Variants in GSK3B observed in about 807,000 individuals in gnomAD.
GSK3B encodes glycogen synthase kinase-3 beta.
GSK3B carries 15 observed loss-of-function variants against 56.4 expected under a neutral mutation model. The ratio of observed to expected loss-of-function variants is 0.27; its 90% confidence interval spans 0.18 to 0.41. GSK3B has a LOEUF of 0.41. Ranked by LOEUF, GSK3B falls within the 10% of genes least tolerant of loss-of-function variation. GSK3B has a pLI of 1.00. For synonymous variants in GSK3B, 181 were observed against 188.9 expected (o/e 0.96, Z 0.34); for missense variants, 300 against 513.4 (o/e 0.58, Z 4.02).
At chr3:119,954,233 A>AGAATG in intron 2 of GSK3B, among the ~76,000 whole-genome samples, 1 of 30,096 alleles carries the variant, frequency 3.3e-5, no homozygotes, top group Admixed American at 4.3e-4. Context: ...AGAATAGAAT[A>AGAATG]GAATAGAATA....
chr3:120,028,922 A>T, intron 1 of GSK3B: 1 of 543,362 alleles, frequency 1.8e-6, no homozygotes, highest in South Asian at 2.0e-5. Flanking sequence ...GCTGAACCTC[A>T]AAGATCAGAC....
chr3:119,851,453 A>T (rs896436395), intron 9 of GSK3B, among the ~76,000 whole-genome samples: 8 of 152,170 alleles, frequency 5.3e-5, no homozygotes, highest in African/African-American at 1.9e-4. Flanking sequence ...GAACTTTCCT[A>T]GTTTTCTGAG....
intron 1 of GSK3B, among the ~76,000 whole-genome samples, chr3:120,012,575 G>C (rs2057787968): frequency 6.6e-6 from 1 of 152,142 alleles, no homozygotes; most frequent in Admixed American, 6.5e-5. Flanking sequence ...TACCATAATA[G>C]ATAAATCTTA....
chr3:119,932,838 G>A (rs573502497), intron 3 of GSK3B, among the ~76,000 whole-genome samples: 6 of 152,122 alleles, frequency 3.9e-5, no homozygotes, highest in East Asian at 1.9e-4. Flanking sequence ...GGCTGGGTAC[G>A]GTGGCTCACG....
intron 1 of GSK3B, among the ~76,000 whole-genome samples, chr3:120,010,029 G>A (rs560123645): frequency 1.3e-5 from 2 of 152,144 alleles, no homozygotes; most frequent in South Asian, 4.2e-4. Flanking sequence ...AAAACCACTT[G>A]TGAAAAGAAA....
At chr3:120,006,758 T>C (rs578042924) in intron 1 of GSK3B, among the ~76,000 whole-genome samples, 1 of 152,252 alleles carries the variant, frequency 6.6e-6, no homozygotes, top group Non-Finnish European at 1.5e-5. Context: ...GGAACACATT[T>C]AAAGCAGTGT....
chr3:120,053,294 G>A (rs573213748), intron 1 of GSK3B, among the ~76,000 whole-genome samples: 11 of 152,240 alleles, frequency 7.2e-5, no homozygotes, highest in African/African-American at 2.2e-4. Flanking sequence ...CCCAGATCGC[G>A]CCACTACACT....
At chr3:119,940,523 C>T (rs2057038072) in intron 3 of GSK3B, among the ~76,000 whole-genome samples, 1 of 151,990 alleles carries the variant, frequency 6.6e-6, no homozygotes, top group African/African-American at 2.4e-5. Context: ...AAAAGAAAAA[C>T]ATATACTGAA....
intron 8 of GSK3B, among the ~76,000 whole-genome samples, chr3:119,864,903 T>A (rs557017373): frequency 6.6e-6 from 1 of 152,342 alleles, no homozygotes; most frequent in East Asian, 1.9e-4. Context: ...TTTCGGAACA[T>A]AAAGAAAGGC....
At chr3:119,996,488 T>C (rs1307684192) in intron 2 of GSK3B, among the ~76,000 whole-genome samples, 1 of 152,202 alleles carries the variant, frequency 6.6e-6, no homozygotes, top group Non-Finnish European at 1.5e-5. Flanking sequence ...GCCAGGTTAC[T>C]TGTTCCTCTC....
intron 6 of GSK3B, among the ~76,000 whole-genome samples, chr3:119,910,794 TA>T (rs1289529792): frequency 6.6e-6 from 1 of 152,252 alleles, no homozygotes; most frequent in Admixed American, 6.5e-5. Context: ...TGTAATATTC[TA>T]AATCCTTTGT....
intron 3 of GSK3B, among the ~76,000 whole-genome samples, chr3:119,934,708 G>C (rs928828705): frequency 6.6e-6 from 1 of 152,076 alleles, no homozygotes; most frequent in East Asian, 1.9e-4. Flanking sequence ...AAACTTTGCA[G>C]GGTCTGTCCA....
At chr3:119,973,801 A>G (rs572507949) in intron 2 of GSK3B, among the ~76,000 whole-genome samples, 1 of 152,372 alleles carries the variant, frequency 6.6e-6, no homozygotes, top group African/African-American at 2.4e-5. Flanking sequence ...AATGGTACAT[A>G]TAGGATTCGG....
At chr3:119,843,736 C>T (rs2055813248) in intron 9 of GSK3B, 2 of 156,312 alleles carry the variant, frequency 1.3e-5, no homozygotes, top group Non-Finnish European at 1.4e-5. Flanking sequence ...GAGACTTTAA[C>T]ACCACATTGT....
chr3:119,987,042 T>C (rs1433290213), intron 2 of GSK3B, among the ~76,000 whole-genome samples: 1 of 152,104 alleles, frequency 6.6e-6, no homozygotes, highest in African/African-American at 2.4e-5. Flanking sequence ...CAGATGAAGC[T>C]AGAAACCATC....
At position 119,991,002 on chromosome 3, in the gene GSK3B, T is replaced by TCA. The variant is rs538827036; in HGVS notation, c.282+11042_282+11043dup. ...TTCACAACCTAACAATAGTGATACC[T>TCA]CACATCCCTATCCCTCTATATCCCA... On this transcript the variant is annotated intron_variant, in intron 2 of 10. Coordinates refer to ENST00000264235, the MANE Select transcript of GSK3B (RefSeq NM_001146156.2). 3.3e-5 allele frequency among the ~76,000 whole-genome samples: 5 copies of TCA among 152,272 alleles called. No homozygotes were observed. The South Asian group carries it at 1.0e-3, about 32-fold the overall frequency.
chr3:120,029,775 C>A, intron 1 of GSK3B: 2 of 555,144 alleles, frequency 3.6e-6, no homozygotes, highest in South Asian at 2.8e-5. Flanking sequence ...TACTTATGGT[C>A]ATTAACTGTT....
intron 1 of GSK3B, among the ~76,000 whole-genome samples, chr3:120,073,245 C>A (rs919250861): frequency 1.4e-5 from 2 of 146,420 alleles, no homozygotes; most frequent in Non-Finnish European, 3.0e-5. Flanking sequence ...AAAAAAAAGC[C>A]TGGCATGGTG....
At chr3:119,944,732 T>TG (rs982510941) in intron 3 of GSK3B, among the ~76,000 whole-genome samples, 21 of 152,264 alleles carry the variant, frequency 1.4e-4, no homozygotes, top group African/African-American at 4.8e-4. Flanking sequence ...AATCTCTACT[T>TG]GCATGTGTCA....
Sources: allele counts gnomAD v4.1 joint callset (sites outside exome capture counted in the v4.1 genomes callset), GRCh38; gene constraint gnomAD v4.1.1; transcripts MANE v1.5; gene names NCBI Gene and HGNC (gene_info 2026-07-23, HGNC 2026-07-21).